The following AKNA variants were observed in gnomAD, a reference collection of about 807,000 sequenced individuals.
The protein encoded by AKNA is microtubule organization protein AKNA.
A neutral mutation model predicts 138.8 loss-of-function variants in AKNA; 67 were observed. The ratio of observed to expected loss-of-function variants is 0.48; its 90% confidence interval spans 0.40 to 0.59. The LOEUF is 0.59. Ranked by LOEUF, AKNA falls within the 20% of genes least tolerant of loss-of-function variation. The pLI is 0.00. For synonymous variants in AKNA, 737 were observed against 754.4 expected (o/e 0.98, Z 0.38); for missense variants, 1,813 against 1,880.4 (o/e 0.96, Z 0.66).
At chr9:114,345,668 A>G (rs1830632104) in intron 18 of AKNA, 195 bp downstream of exon 18, 1 of 552,912 alleles carries the variant, frequency 1.8e-6, no homozygotes, top group Non-Finnish European at 3.2e-6. Context: ...TTGCTGAATG[A>G]ATGAATGAAT....
intron 5 of AKNA, chr9:114,368,126 T>C (rs1832505544): frequency 3.1e-6 from 1 of 319,260 alleles, no homozygotes; most frequent in African/African-American, 2.1e-5. Context: ...TGAGGTCACA[T>C]GTGTCAAGGC....
At chr9:114,387,221 G>C (rs981479196) in intron 1 of AKNA, among the ~76,000 whole-genome samples, 4 of 152,058 alleles carry the variant, frequency 2.6e-5, no homozygotes, top group African/African-American at 9.7e-5. Flanking sequence ...TGTTCTCAAG[G>C]GGTTCCCACC....
rs780763040 is a variant in AKNA, at chr9:114,346,694, A to T, written c.3489T>A (p.Pro1163=). 17 of 1,611,984 alleles carry T rather than the reference A, an allele frequency of 1.1e-5. No homozygotes were observed. Among genetic ancestry groups the T allele is most frequent in the Non-Finnish European group, 1.4e-5 (16 of 1,179,098 alleles). The change falls in exon 17 of 22, where the codon CCT becomes CCA. Residue 1163 remains proline, a synonymous_variant. Coordinates refer to ENST00000374088, the MANE Select transcript of AKNA (RefSeq NM_001317950.2). ...GRQRARSSSV[P]REVLRLSLSS... ...TCAGGGACAGTCGGAGCACCTCCCG[A>T]GGCACTGAGGAAGACCTGGCTCGCT... is the stretch of plus-strand genomic sequence containing the variant.
chr9:114,367,418 A>C, intron 6 of AKNA, 125 bp downstream of exon 6: 1 of 1,215,414 alleles, frequency 8.2e-7, no homozygotes. Flanking sequence ...GGCTGAGTTA[A>C]CTCGGTGCAG....
chr9:114,364,630 G>T lies in AKNA; in HGVS notation c.1729-11C>A. The stretch of plus-strand genomic sequence containing the variant: ...TTCAAAGGACTCCACCTGGACATTG[G>T]GAGGGGAAGGAAATATGCTCCATTA... On this transcript the variant is annotated splice_polypyrimidine_tract_variant and intron_variant, in intron 6 of 21. Transcript: ENST00000374088. The T allele has an allele frequency of 6.2e-7, 1 of 1,613,776 alleles. No individual in the cohort carries two copies. The highest frequency in any genetic ancestry group is 8.5e-7 in the Non-Finnish European group (1 of 1,179,896).
chr9:114,366,698 G>A (rs1832384845), intron 6 of AKNA, among the ~76,000 whole-genome samples: 1 of 150,960 alleles, frequency 6.6e-6, no homozygotes, highest in African/African-American at 2.4e-5. Context: ...GAGGAGAGGA[G>A]GGGAGGGGAG....
At chr9:114,383,577 C>CA (rs1833835050) in intron 1 of AKNA, among the ~76,000 whole-genome samples, 1 of 152,184 alleles carries the variant, frequency 6.6e-6, no homozygotes, top group Non-Finnish European at 1.5e-5. Context: ...CAGGACAAGG[C>CA]AGGGGTGAAA....
chr9:114,346,816 G>GA, intron 16 of AKNA, 32 bp from the exon 17 acceptor site: 1 of 1,589,782 alleles, frequency 6.3e-7, no homozygotes, highest in Admixed American at 1.7e-5. Flanking sequence ...GATGTCATTG[G>GA]ATGAGGTTTT....
intron 15 of AKNA, chr9:114,349,010 G>A (rs1830912300): frequency 4.4e-6 from 2 of 455,086 alleles, no homozygotes; most frequent in Non-Finnish European, 8.8e-6. Flanking sequence ...CGCTGAGTGT[G>A]TGTGTCTGAG....
At chr9:114,339,203 C>CGGAG (rs1830180723) in intron 21 of AKNA, among the ~76,000 whole-genome samples, 1 of 152,194 alleles carries the variant, frequency 6.6e-6, no homozygotes, top group South Asian at 2.1e-4. Flanking sequence ...ACCCAAAACT[C>CGGAG]TCCCTAGGGC....
At chr9:114,342,848 T>C (rs547109653) in intron 19 of AKNA, among the ~76,000 whole-genome samples, 142 of 148,048 alleles carry the variant, frequency 9.6e-4, no homozygotes, top group South Asian at 2.1e-3. Context: ...CAGGGCCCCA[T>C]AGGGGTAAGT....
At chr9:114,331,923 G>T (rs1380322694), downstream of AKNA, 1 of 1,613,562 alleles carries the variant, frequency 6.2e-7, no homozygotes, top group Admixed American at 1.7e-5. Flanking sequence ...ACACCGACTG[G>T]AAAAAGGTAA....
chr9:114,356,910 T>C lies in AKNA; in HGVS notation c.2799A>G (p.Arg933=). The C allele has an allele frequency of 6.4e-7, 1 of 1,569,356 alleles. No individual in the cohort carries two copies. Among genetic ancestry groups the C allele is most frequent in the Non-Finnish European group, 8.6e-7 (1 of 1,162,630 alleles). ...DSGFVGSETS[R]VSPLTQTPEH... ...CTGGAGTCTGGGTGAGGGGTGAAAC[T>C]CTGCTTGTTTCTGAGCCCACAAAGC... Residue 933 remains arginine (R), a synonymous_variant, in exon 13 of 22, where the codon AGA becomes AGG. Transcript: ENST00000374088.
chr9:114,371,928 A>G (rs1832798600), intron 4 of AKNA, among the ~76,000 whole-genome samples: 1 of 152,090 alleles, frequency 6.6e-6, no homozygotes, highest in Non-Finnish European at 1.5e-5. Flanking sequence ...GAGTGCACAG[A>G]GGTCCAGATG....
chr9:114,341,252 G>T (rs905148263), intron 21 of AKNA, among the ~76,000 whole-genome samples: 3 of 152,192 alleles, frequency 2.0e-5, no homozygotes, highest in East Asian at 3.9e-4. Context: ...TCTCCACAAA[G>T]TTATAAGCTC....
chr9:114,333,946 T>G (rs1332521466), downstream of AKNA, among the ~76,000 whole-genome samples: 3 of 143,962 alleles, frequency 2.1e-5, no homozygotes, highest in African/African-American at 2.7e-5. Flanking sequence ...TCTAATGGTT[T>G]AGCCCCACCT....
chr9:114,364,961 A>G (rs1832237372), intron 6 of AKNA, among the ~76,000 whole-genome samples: 1 of 152,252 alleles, frequency 6.6e-6, no homozygotes, highest in Non-Finnish European at 1.5e-5. Flanking sequence ...GTATTCAGCC[A>G]TCAACAAGAG....
intron 2 of AKNA, 147 bp from the exon 3 acceptor site, chr9:114,377,679 G>A: frequency 1.2e-6 from 1 of 815,640 alleles, no homozygotes; most frequent in Non-Finnish European, 1.9e-6. Context: ...ACTTAGCCAA[G>A]TGCTTGTCTG....
intron 6 of AKNA, 121 bp downstream of exon 6, chr9:114,367,422 G>A (rs548392665): frequency 2.7e-5 from 34 of 1,239,512 alleles, no homozygotes; most frequent in East Asian, 7.8e-5. Flanking sequence ...GAGTTAACTC[G>A]GTGCAGAGGC....
Sources: allele counts gnomAD v4.1 joint callset (sites outside exome capture counted in the v4.1 genomes callset), GRCh38; gene constraint gnomAD v4.1.1; transcripts MANE v1.5; gene names NCBI Gene and HGNC (gene_info 2026-07-23, HGNC 2026-07-21).